Variants in COMMD1 observed in about 807,000 individuals in gnomAD.
COMMD1 encodes COMM domain-containing protein 1.
A neutral mutation model predicts 17.2 loss-of-function variants in COMMD1; 10 were observed. The observed-to-expected ratio is 0.58, with a 90% confidence interval of 0.36 to 0.99. COMMD1 has a LOEUF of 0.99. Ranked by LOEUF, COMMD1 falls within the 50% of genes least tolerant of loss-of-function variation. COMMD1 has a pLI of 0.01. For missense variants in COMMD1, 270 were observed against 231.8 expected, an observed-to-expected ratio of 1.17 and a Z score of -1.07; for synonymous variants, 97 against 91.6, an observed-to-expected ratio of 1.06 and a Z score of -0.34.
At chr2:61,893,585 A>G (rs1669484696) in intron 1 of COMMD1, among the ~76,000 whole-genome samples, 1 of 152,148 alleles carries the variant, frequency 6.6e-6, no homozygotes, top group African/African-American at 2.4e-5. Context: ...AGGCTGAGGC[A>G]GGCAGATAGC....
At chr2:62,013,171 G>A (rs1460299570) in intron 2 of COMMD1, among the ~76,000 whole-genome samples, 1 of 151,902 alleles carries the variant, frequency 6.6e-6, no homozygotes. Flanking sequence ...ATATCACTAA[G>A]GTTGGAATTG....
chr2:61,892,673 A>G (rs1030520120), intron 1 of COMMD1, among the ~76,000 whole-genome samples: 3 of 151,262 alleles, frequency 2.0e-5, no homozygotes, highest in African/African-American at 7.3e-5. Flanking sequence ...CAGCCTGGGC[A>G]ACAAGAGGGA....
In COMMD1 at chr2:62,058,737, C is replaced by CA. The variant is rs549048404; in HGVS notation, c.462+57765dup. On this transcript the variant is annotated intron_variant, in intron 2 of 2. Transcript: ENST00000311832. ...TAGGTGAGAGAGCAAAACCCTGTCT[C>CA]AAAAAAAAAAGGTGGGAGGTATTAA... Among the ~76,000 whole-genome samples the CA allele has an allele frequency of 1.2e-3, 178 of 144,310 alleles. 2 individuals carry two copies. The highest frequency in any genetic ancestry group is 3.6e-3 in the African/African-American group (143 of 39,392). 94.7% of individuals were successfully genotyped at this position (144,310 alleles called of 152,430 possible). A position where few individuals can be genotyped will look rare whatever the true frequency, so the allele number is the denominator to read the frequency against.
chr2:62,126,659 C>A (rs1672895924), intron 2 of COMMD1, among the ~76,000 whole-genome samples: 1 of 152,028 alleles, frequency 6.6e-6, no homozygotes, highest in Non-Finnish European at 1.5e-5. Flanking sequence ...GATATTAGAC[C>A]TTTGTCAGAT....
intron 2 of COMMD1, among the ~76,000 whole-genome samples, chr2:62,058,406 A>G (rs767541196): frequency 5.9e-5 from 9 of 152,132 alleles, no homozygotes; most frequent in Admixed American, 1.3e-4. Flanking sequence ...TTGTTTTGAG[A>G]CAAGGGTCTC....
At chr2:61,889,202 CTTTTTTTTTTTTTTT>C (rs34949326) in intron 1 of COMMD1, among the ~76,000 whole-genome samples, 3 of 54,786 alleles carry the variant, frequency 5.5e-5, no homozygotes, top group African/African-American at 2.3e-4. Context: ...GAAGCCCGGC[CTTTTTTTTTTTTTTT>C]TTTTTTTTTG....
At chr2:62,067,449 T>C (rs570251343) in intron 2 of COMMD1, among the ~76,000 whole-genome samples, 2 of 152,250 alleles carry the variant, frequency 1.3e-5, no homozygotes, top group Non-Finnish European at 2.9e-5. Flanking sequence ...CCCCATAGAG[T>C]TGTATGACTT....
At chr2:62,019,621 C>T (rs138879913) in intron 2 of COMMD1, among the ~76,000 whole-genome samples, 2 of 152,230 alleles carry the variant, frequency 1.3e-5, no homozygotes, top group East Asian at 3.9e-4. Flanking sequence ...CGCATTCAGA[C>T]CATAGTAGTG....
In COMMD1 at chr2:62,075,144, C is replaced by T. The variant is rs531315653; in HGVS notation, c.463-60687C>T. ...CCTCAGGTGATCCACCCACCTCGGCCTCCCAAAGTGCCAGGATTACAGGCA... is the reference window on the plus strand; with the variant it reads ...CCTCAGGTGATCCACCCACCTCGGCTTCCCAAAGTGCCAGGATTACAGGCA... On this transcript the variant is annotated intron_variant, in intron 2 of 2. Coordinates refer to ENST00000311832, the MANE Select transcript of COMMD1 (RefSeq NM_152516.4). Among the ~76,000 whole-genome samples, 12 of 152,162 alleles carry T rather than the reference C, an allele frequency of 7.9e-5. No homozygotes were observed. In the South Asian group the frequency reaches 1.5e-3, roughly 18 times the overall value.
At chr2:61,927,594 T>A (rs1025183299) in intron 1 of COMMD1, among the ~76,000 whole-genome samples, 6 of 152,042 alleles carry the variant, frequency 3.9e-5, no homozygotes, top group Non-Finnish European at 8.8e-5. Context: ...GAGGCGGGAT[T>A]TCACCATGTT....
intron 1 of COMMD1, among the ~76,000 whole-genome samples, chr2:61,909,170 T>G (rs144729387): frequency 0.018 from 2,718 of 151,894 alleles, 51 homozygotes; most frequent in African/African-American, 0.041. Context: ...TCAGATGATC[T>G]GCCCGCCTCG....
At chr2:61,910,273 C>G (rs1290556472) in intron 1 of COMMD1, among the ~76,000 whole-genome samples, 1 of 150,032 alleles carries the variant, frequency 6.7e-6, no homozygotes, top group Non-Finnish European at 1.5e-5. Context: ...TTTTTTAAGA[C>G]GGAGTCTCAC....
intron 1 of COMMD1, among the ~76,000 whole-genome samples, chr2:61,983,001 A>G (rs1254154629): frequency 1.3e-5 from 2 of 152,002 alleles, no homozygotes; most frequent in African/African-American, 4.8e-5. Flanking sequence ...TTTTTAATGT[A>G]TCTTTGGTTT....
chr2:61,911,330 G>T (rs1257109504), intron 1 of COMMD1, among the ~76,000 whole-genome samples: 1 of 152,042 alleles, frequency 6.6e-6, no homozygotes, highest in Non-Finnish European at 1.5e-5. Context: ...CAAAAAATTA[G>T]CTGGTTGTAG....
chr2:61,927,216 C>CT (rs1670349814), intron 1 of COMMD1, among the ~76,000 whole-genome samples: 1 of 152,130 alleles, frequency 6.6e-6, no homozygotes, highest in Non-Finnish European at 1.5e-5. Context: ...TTCAGGCTAC[C>CT]TTTTTTGTGT....
intron 1 of COMMD1, among the ~76,000 whole-genome samples, chr2:61,963,509 A>C (rs1196548643): frequency 6.6e-6 from 1 of 151,986 alleles, no homozygotes; most frequent in Non-Finnish European, 1.5e-5. Flanking sequence ...ATGCTCGGCT[A>C]ATTTTTGTAT....
intron 2 of COMMD1, among the ~76,000 whole-genome samples, chr2:62,098,995 G>A (rs1245876503): frequency 2.0e-5 from 3 of 152,088 alleles, no homozygotes; most frequent in Admixed American, 6.5e-5. Flanking sequence ...TTTGGTCCAG[G>A]GGCTATACAT....
chr2:62,024,379 C>A (rs1669697321), intron 2 of COMMD1, among the ~76,000 whole-genome samples: 1 of 151,902 alleles, frequency 6.6e-6, no homozygotes, highest in South Asian at 2.1e-4. Flanking sequence ...ACCATGCTGG[C>A]TAATTGTGTG....
chr2:61,958,349 C>A (rs1322368964), intron 1 of COMMD1, among the ~76,000 whole-genome samples: 2 of 151,960 alleles, frequency 1.3e-5, no homozygotes, highest in Non-Finnish European at 1.5e-5. Context: ...TCACCACAAC[C>A]TCTGCCTCCT....
Sources: gnomAD v4.1 joint callset for allele counts (sites outside exome capture counted in the v4.1 genomes callset) on GRCh38, gnomAD v4.1.1 for gene constraint, MANE v1.5 for transcripts, NCBI Gene and HGNC (gene_info 2026-07-23, HGNC 2026-07-21) for gene names.